PTPRT: variants seen among roughly 807,000 people sequenced by gnomAD.
PTPRT encodes the protein protein tyrosine phosphatase receptor type T.
PTPRT carries 56 observed loss-of-function variants against 176.8 expected under a neutral mutation model. That is an observed-to-expected ratio of 0.32 (90% confidence interval 0.26 to 0.40). The LOEUF (loss-of-function observed/expected upper bound fraction) is 0.40. PTPRT is among the 10% of genes least tolerant of loss of function. The pLI is 1.00. For synonymous variants in PTPRT, 783 were observed against 739.0 expected (o/e 1.06, Z -0.96); for missense variants, 1,540 against 1,908.2 (o/e 0.81, Z 3.60).
chr20:42,612,872 G>C (rs1396180042), intron 7 of PTPRT, among the ~76,000 whole-genome samples: 3 of 151,852 alleles, frequency 2.0e-5, no homozygotes, highest in Non-Finnish European at 4.4e-5. Context: ...GAGTGTTTCT[G>C]TGGTGTGGGA....
chr20:42,757,164 G>C (rs1349196915), intron 5 of PTPRT, among the ~76,000 whole-genome samples: 1 of 152,088 alleles, frequency 6.6e-6, no homozygotes, highest in Non-Finnish European at 1.5e-5. Context: ...CACAGGCCTG[G>C]TGGTAAGAAG....
intron 11 of PTPRT, among the ~76,000 whole-genome samples, chr20:42,321,887 C>T (rs926374990): frequency 1.1e-4 from 17 of 152,154 alleles, no homozygotes; most frequent in East Asian, 3.9e-4. Flanking sequence ...ATCGAGACCA[C>T]GGTGAAACCC....
chr20:42,197,402 G>A (rs1255095087), intron 16 of PTPRT, among the ~76,000 whole-genome samples: 30 of 69,458 alleles, frequency 4.3e-4, no homozygotes, highest in South Asian at 8.7e-4. Flanking sequence ...AAAAAAAAAA[G>A]TCAGTATCCT....
At chr20:42,653,826 T>C (rs980044257) in intron 7 of PTPRT, among the ~76,000 whole-genome samples, 27 of 152,328 alleles carry the variant, frequency 1.8e-4, no homozygotes, top group African/African-American at 6.0e-4. Flanking sequence ...TATCGTTAAG[T>C]GTAATGAAAT....
chr20:43,149,921 A>G (rs1343979232), intron 1 of PTPRT, among the ~76,000 whole-genome samples: 1 of 152,342 alleles, frequency 6.6e-6, no homozygotes, highest in African/African-American at 2.4e-5. Context: ...TCCAGGGAAG[A>G]AACGTGTGAA....
intron 7 of PTPRT, among the ~76,000 whole-genome samples, chr20:42,473,925 C>A (rs542034161): frequency 1.2e-3 from 190 of 152,164 alleles, no homozygotes; most frequent in African/African-American, 4.2e-3. Context: ...AGAACTTTGC[C>A]CAATTATGTA....
At chr20:42,624,407 C>T (rs999665782) in intron 7 of PTPRT, among the ~76,000 whole-genome samples, 5 of 152,204 alleles carry the variant, frequency 3.3e-5, no homozygotes, top group African/African-American at 1.2e-4. Context: ...TTATCAGGAA[C>T]ATAAGGTTAG....
At position 42,999,607 on chromosome 20, in the gene PTPRT, GTT is replaced by G. The variant is rs758925660; in HGVS notation, c.89-113677_89-113676del. ...CCAGTCTCTAAAAAAAAAACTTGTG[GTT>G]TTTTTTTTGTTGTTGTTGTTGTTGT... On this transcript the variant is annotated intron_variant, in intron 1 of 30. Transcript: ENST00000373187. Among the ~76,000 whole-genome samples the G allele has an allele frequency of 5.4e-4, 75 of 139,466 alleles. 1 individual carries two copies. The highest frequency in any genetic ancestry group is 5.9e-4 in the Non-Finnish European group (36 of 60,728). The allele number at this position is 139,466 out of a possible 152,430, so 91.5% of individuals were successfully genotyped here.
chr20:42,650,955 T>G (rs2075018683), intron 7 of PTPRT, among the ~76,000 whole-genome samples: 1 of 151,944 alleles, frequency 6.6e-6, no homozygotes, highest in Non-Finnish European at 1.5e-5. Flanking sequence ...AGACCTCCAT[T>G]TCTCTGGCGA....
intron 1 of PTPRT, among the ~76,000 whole-genome samples, chr20:43,028,304 TG>T (rs1158764811): frequency 6.6e-6 from 1 of 152,146 alleles, no homozygotes; most frequent in African/African-American, 2.4e-5. Flanking sequence ...CACACCTACT[TG>T]GAGTGTCCCT....
intron 2 of PTPRT, among the ~76,000 whole-genome samples, chr20:42,883,799 A>G (rs1177091073): frequency 1.2e-3 from 26 of 21,344 alleles, no homozygotes; most frequent in Non-Finnish European, 1.6e-3. Context: ...CCATACACAC[A>G]CAACCCTTAC....
At chr20:42,510,264 G>A (rs230170) in intron 7 of PTPRT, among the ~76,000 whole-genome samples, 11,062 of 152,044 alleles carry the variant, frequency 0.073, 465 homozygotes, top group Middle Eastern at 0.1. Flanking sequence ...TGGCTTGTAT[G>A]ACCACAGCAG....
chr20:42,709,942 C>A (rs1038617017), intron 6 of PTPRT, among the ~76,000 whole-genome samples: 4 of 152,132 alleles, frequency 2.6e-5, no homozygotes, highest in African/African-American at 9.7e-5. Context: ...TATGCTCATG[C>A]CCTAAGAATC....
At chr20:42,270,033 G>T (rs1256469923) in intron 13 of PTPRT, among the ~76,000 whole-genome samples, 1 of 152,040 alleles carries the variant, frequency 6.6e-6, no homozygotes, top group Non-Finnish European at 1.5e-5. Flanking sequence ...ACTTGAAGTG[G>T]CAAATTTATT....
chr20:42,570,869 A>C (rs1007109877), intron 7 of PTPRT, among the ~76,000 whole-genome samples: 2 of 152,002 alleles, frequency 1.3e-5, no homozygotes, highest in Admixed American at 1.3e-4. Context: ...TAATTAACTT[A>C]ATCTATAAAG....
chr20:43,050,458 G>A (rs984482970), intron 1 of PTPRT, among the ~76,000 whole-genome samples: 1 of 152,304 alleles, frequency 6.6e-6, no homozygotes, highest in Non-Finnish European at 1.5e-5. Flanking sequence ...GGCGTTCACA[G>A]GCCATCTACC....
At chr20:43,025,580 T>C (rs1048624729) in intron 1 of PTPRT, among the ~76,000 whole-genome samples, 3 of 152,214 alleles carry the variant, frequency 2.0e-5, no homozygotes, top group African/African-American at 7.2e-5. Context: ...CTCTTGCCAA[T>C]GCATCCTGTG....
intron 1 of PTPRT, among the ~76,000 whole-genome samples, chr20:43,172,828 G>GTAAA (rs1385481628): frequency 6.6e-6 from 1 of 151,786 alleles, no homozygotes; most frequent in East Asian, 1.9e-4. Context: ...AATTAGCACA[G>GTAAA]GCTTAACTTG....
At chr20:42,732,312 G>C (rs2076473554) in intron 6 of PTPRT, among the ~76,000 whole-genome samples, 1 of 152,176 alleles carries the variant, frequency 6.6e-6, no homozygotes, top group African/African-American at 2.4e-5. Flanking sequence ...AGGCAGCTCT[G>C]GTCTATAGTA....
Sources: gnomAD v4.1 joint callset for allele counts (sites outside exome capture counted in the v4.1 genomes callset) on GRCh38, gnomAD v4.1.1 for gene constraint, MANE v1.5 for transcripts, NCBI Gene and HGNC (gene_info 2026-07-23, HGNC 2026-07-21) for gene names.